The following GNAQ variants were observed in gnomAD, a reference collection of about 807,000 sequenced individuals.
GNAQ encodes guanine nucleotide-binding protein G(q) subunit alpha.
GNAQ carries 8 observed loss-of-function variants against 43.9 expected under a neutral mutation model. The ratio of observed to expected loss-of-function variants is 0.18; its 90% CI spans 0.11 to 0.33. GNAQ has a LOEUF of 0.33. GNAQ is among the 10% of genes least tolerant of loss of function. The probability of loss-of-function intolerance (pLI) is 1.00; values close to 1 mark genes in which losing one functional copy is unlikely to be tolerated. For missense variants in GNAQ, 158 were observed against 450.8 expected, an observed-to-expected ratio of 0.35 and a Z score of 5.88; for synonymous variants, 155 against 170.7, an observed-to-expected ratio of 0.91 and a Z score of 0.71.
intron 2 of GNAQ, among the ~76,000 whole-genome samples, chr9:77,878,474 T>C (rs1828161019): frequency 6.6e-6 from 1 of 152,128 alleles, no homozygotes; most frequent in Non-Finnish European, 1.5e-5. Flanking sequence ...TAGTAACACC[T>C]AATAAATAGG....
chr9:77,997,616 C>T (rs1274758264), intron 1 of GNAQ, among the ~76,000 whole-genome samples: 1 of 152,156 alleles, frequency 6.6e-6, no homozygotes, highest in Non-Finnish European at 1.5e-5. Flanking sequence ...CCACGCCAGC[C>T]TGATTCTCTG....
intron 1 of GNAQ, among the ~76,000 whole-genome samples, chr9:77,948,626 C>G (rs925904595): frequency 2.0e-5 from 3 of 152,154 alleles, no homozygotes; most frequent in African/African-American, 7.2e-5. Flanking sequence ...AAAGAACGAC[C>G]GCTACTGTTG....
At chr9:77,946,902 G>T (rs1286389825) in intron 1 of GNAQ, among the ~76,000 whole-genome samples, 2 of 152,198 alleles carry the variant, frequency 1.3e-5, no homozygotes, top group Non-Finnish European at 2.9e-5. Flanking sequence ...TACAGGTAGA[G>T]CCCTTAGCAA....
intron 2 of GNAQ, among the ~76,000 whole-genome samples, chr9:77,822,283 C>A (rs945612549): frequency 6.6e-6 from 1 of 152,170 alleles, no homozygotes; most frequent in African/African-American, 2.4e-5. Context: ...TAACAACCAA[C>A]TGTAGGTTGA....
intron 5 of GNAQ, among the ~76,000 whole-genome samples, chr9:77,733,038 C>A (rs1334820589): frequency 2.0e-5 from 3 of 152,184 alleles, no homozygotes; most frequent in Non-Finnish European, 2.9e-5. Context: ...CTCGCCTAGA[C>A]CACACTGATA....
At chr9:77,798,944 A>G (rs900256310) in intron 3 of GNAQ, among the ~76,000 whole-genome samples, 3 of 152,212 alleles carry the variant, frequency 2.0e-5, no homozygotes, top group African/African-American at 7.2e-5. Flanking sequence ...CAATCAGGAC[A>G]CAGAATTGTT....
intron 1 of GNAQ, among the ~76,000 whole-genome samples, chr9:78,023,113 ACT>A (rs1291762050): frequency 6.6e-6 from 1 of 152,150 alleles, no homozygotes; most frequent in East Asian, 1.9e-4. Context: ...TGGCTCACTA[ACT>A]CTCTGCTGGT....
At chr9:77,797,394 T>C (rs1224541362) in intron 4 of GNAQ, 126 bp downstream of exon 4, 9 of 719,966 alleles carry the variant, frequency 1.3e-5, no homozygotes, top group Non-Finnish European at 1.9e-5. Flanking sequence ...GTATAACTAA[T>C]GATAATAATT....
chr9:77,825,435 C>A (rs1453732749), intron 2 of GNAQ, among the ~76,000 whole-genome samples: 2 of 152,156 alleles, frequency 1.3e-5, no homozygotes, highest in African/African-American at 4.8e-5. Context: ...GCAGCCTACA[C>A]GCCAGACCAT....
Position 77,720,290 on chromosome 9 carries a change from G to A in GNAQ, c.*1033C>T, listed in dbSNP as rs1356441577. The A allele has an allele frequency of 1.3e-5, 3 of 233,002 alleles. No homozygotes were observed. The highest frequency in any genetic ancestry group is 6.0e-5 in the East Asian group (1 of 16,546). 14.4% of individuals were successfully genotyped at this position (233,002 alleles called of 1,614,324 possible). A position where few individuals can be genotyped will look rare whatever the true frequency, so the allele number is the denominator to read the frequency against. On this transcript the variant is annotated 3_prime_UTR_variant, in exon 7 of 7. Coordinates refer to ENST00000286548, the MANE Select transcript of GNAQ (RefSeq NM_002072.5). ...ATACCAGCTTTTATTTTTTAAGTTC[G>A]TATTCATTTTATTTGACAAAAAGCC...
At chr9:77,895,128 G>A (rs968597589) in intron 2 of GNAQ, among the ~76,000 whole-genome samples, 1 of 151,230 alleles carries the variant, frequency 6.6e-6, no homozygotes, top group Non-Finnish European at 1.5e-5. Context: ...AACCCGGGAG[G>A]TGGAGCTTGC....
At chr9:78,004,955 G>A (rs1287094957) in intron 1 of GNAQ, among the ~76,000 whole-genome samples, 4 of 152,084 alleles carry the variant, frequency 2.6e-5, no homozygotes, top group Admixed American at 6.5e-5. Context: ...AGAAGAGGGG[G>A]TGGGATCAGA....
At chr9:77,858,117 C>G (rs1414408395) in intron 2 of GNAQ, among the ~76,000 whole-genome samples, 2 of 152,148 alleles carry the variant, frequency 1.3e-5, no homozygotes, top group East Asian at 1.9e-4. Flanking sequence ...GCAGCTCTCT[C>G]TGCTCACCCC....
At chr9:77,880,451 G>A (rs893404615) in intron 2 of GNAQ, among the ~76,000 whole-genome samples, 23 of 151,996 alleles carry the variant, frequency 1.5e-4, no homozygotes, top group African/African-American at 5.6e-4. Flanking sequence ...TGTGATCCTA[G>A]CTCACTTTAG....
intron 5 of GNAQ, among the ~76,000 whole-genome samples, chr9:77,779,506 T>C (rs1370310701): frequency 6.6e-6 from 1 of 151,320 alleles, no homozygotes; most frequent in East Asian, 1.9e-4. Flanking sequence ...AAACTAGAAA[T>C]AGAAGAGCAA....
chr9:78,015,810 A>T (rs1823831660), intron 1 of GNAQ, among the ~76,000 whole-genome samples: 1 of 152,190 alleles, frequency 6.6e-6, no homozygotes, highest in Admixed American at 6.5e-5. Flanking sequence ...CTGTAAAAGG[A>T]TAAGAATGCT....
chr9:77,904,317 C>CTGTTTTT (rs1828666611), intron 2 of GNAQ, among the ~76,000 whole-genome samples: 2 of 77,406 alleles, frequency 2.6e-5, no homozygotes, highest in African/African-American at 5.7e-5. Flanking sequence ...TTCACACCGG[C>CTGTTTTT]TTTTTTTTTT....
intron 5 of GNAQ, among the ~76,000 whole-genome samples, chr9:77,729,177 T>C (rs1011994416): frequency 3.3e-5 from 5 of 152,162 alleles, no homozygotes; most frequent in African/African-American, 1.2e-4. Context: ...GTTATTACTC[T>C]ACACACACAC....
chr9:77,980,503 T>A (rs1280376282), intron 1 of GNAQ, among the ~76,000 whole-genome samples: 1 of 152,210 alleles, frequency 6.6e-6, no homozygotes, highest in Non-Finnish European at 1.5e-5. Flanking sequence ...AAAATTATTT[T>A]ATAATTAAAC....
Sources: allele counts gnomAD v4.1 joint callset (sites outside exome capture counted in the v4.1 genomes callset), GRCh38; gene constraint gnomAD v4.1.1; transcripts MANE v1.5; gene names NCBI Gene and HGNC (gene_info 2026-07-23, HGNC 2026-07-21).